The following GFOD1 variants were observed in gnomAD, a reference collection of about 807,000 sequenced individuals.
GFOD1 encodes the protein Gfo/Idh/MocA-like oxidoreductase domain containing 1, also known as glucose-fructose oxidoreductase domain-containing protein 1.
A neutral mutation model predicts 25.4 loss-of-function variants in GFOD1; 9 were observed. The ratio of observed to expected loss-of-function variants is 0.35; its 90% CI spans 0.21 to 0.62. The LOEUF (loss-of-function observed/expected upper bound fraction) is 0.62, where lower values mean the gene tolerates loss of function less well. Ranked by LOEUF, GFOD1 falls within the 20% of genes least tolerant of loss-of-function variation. The pLI is 0.72. For missense variants in GFOD1, 403 were observed against 556.9 expected, an observed-to-expected ratio of 0.72 and a Z score of 2.78; for synonymous variants, 253 against 245.6, an observed-to-expected ratio of 1.03 and a Z score of -0.28.
At chr6:13,412,958 T>G (rs1786104389) in intron 1 of GFOD1, among the ~76,000 whole-genome samples, 1 of 152,206 alleles carries the variant, frequency 6.6e-6, no homozygotes, top group Non-Finnish European at 1.5e-5. Flanking sequence ...CCCAGCATCT[T>G]CAGTCTTTCA....
chr6:13,390,807 GGAA>G (rs1785586193), intron 1 of GFOD1, among the ~76,000 whole-genome samples: 1 of 151,128 alleles, frequency 6.6e-6, no homozygotes, highest in African/African-American at 2.4e-5. Context: ...AAGGAAGGAA[GGAA>G]GGAAGGAAGG....
chr6:13,408,210 G>C, intron 1 of GFOD1: 5 of 444,746 alleles, frequency 1.1e-5, no homozygotes, highest in Non-Finnish European at 1.5e-5. Context: ...CCTTGGGCCA[G>C]ACTATGGCAG....
At chr6:13,437,339 C>G (rs957086853) in intron 1 of GFOD1, among the ~76,000 whole-genome samples, 17 of 152,166 alleles carry the variant, frequency 1.1e-4, no homozygotes, top group African/African-American at 3.9e-4. Flanking sequence ...TGAGTAGGAC[C>G]CTCTTAACTC....
intron 1 of GFOD1, among the ~76,000 whole-genome samples, chr6:13,400,642 A>T (rs1785823543): frequency 1.3e-5 from 2 of 152,276 alleles, no homozygotes; most frequent in South Asian, 4.1e-4. Context: ...ATGGAAAAAT[A>T]CATAAAAGTG....
chr6:13,460,791 A>G (rs1758277424), intron 1 of GFOD1, among the ~76,000 whole-genome samples: 1 of 152,236 alleles, frequency 6.6e-6, no homozygotes, highest in Non-Finnish European at 1.5e-5. Context: ...ACATTCACCT[A>G]TGTAACAAAT....
rs370172658 is a variant in GFOD1, at chr6:13,365,599, G to A, written c.317C>T (p.Ser106Leu). Residue 106 changes from serine to leucine, a missense_variant, in exon 2 of 2, where the codon TCG becomes TTG. Ser to Leu is a moderately radical substitution (Grantham distance 145). Coordinates refer to ENST00000379287, the MANE Select transcript of GFOD1 (RefSeq NM_018988.4). The surrounding 1 kb of genome is among the most constrained non-coding windows in gnomAD (Gnocchi z 9.2). ...GAGCTTGGGGTAGTAGTGGGCGGCC[G>A]AGGTCATGCGGAAAGCGTCCAGCGG... ...ATPLDAFRMT[S>L]AAHYYPKLMS... 7.3e-5 allele frequency: 117 copies of A among 1,605,558 alleles called. No homozygotes were observed. Among genetic ancestry groups the A allele is most frequent in the Non-Finnish European group, 8.5e-5 (100 of 1,179,840 alleles).
chr6:13,477,706 G>T (rs1212048319), intron 1 of GFOD1, among the ~76,000 whole-genome samples: 1 of 152,010 alleles, frequency 6.6e-6, no homozygotes. Context: ...TTCTTTCACT[G>T]TTTTGCTATG....
At chr6:13,443,439 A>C (rs952484725) in intron 1 of GFOD1, among the ~76,000 whole-genome samples, 7 of 152,106 alleles carry the variant, frequency 4.6e-5, no homozygotes, top group African/African-American at 1.4e-4. Flanking sequence ...AAATGCTATC[A>C]AACAGTATCA....
chr6:13,401,806 T>G (rs1487590447), intron 1 of GFOD1, among the ~76,000 whole-genome samples: 1 of 152,214 alleles, frequency 6.6e-6, no homozygotes. Flanking sequence ...GCTTTCTATG[T>G]AGAAATTCAC....
rs747626620 is a variant in GFOD1 at position 13,364,772 on chromosome 6, G to C, written c.1144C>G (p.Arg382Gly). ...SPAYLISEAMRRSRMSLYC is the reference protein window; with the variant it reads ...SPAYLISEAMGRSRMSLYC Reference sequence around the variant, plus strand: ...CAGTAGAGGGACATCCTGCTGCGGCGCATGGCCTCGCTGATCAGGTAGGCG... The same window carrying C: ...CAGTAGAGGGACATCCTGCTGCGGCCCATGGCCTCGCTGATCAGGTAGGCG... The change falls in exon 2 of 2, where the codon CGC becomes GGC. Residue 382 changes from arginine (R) to glycine (G), a missense_variant. Physicochemically the swap from Arg to Gly is moderately radical, Grantham distance 125 (BLOSUM62 -2). Coordinates refer to ENST00000379287, the MANE Select transcript of GFOD1 (RefSeq NM_018988.4). The surrounding 1 kb of genome is among the most constrained non-coding windows in gnomAD (Gnocchi z 4.1). 4.3e-6 allele frequency: 7 copies of C among 1,613,230 alleles called. No individual in the cohort carries two copies. The highest frequency in any genetic ancestry group is 5.1e-6 in the Non-Finnish European group (6 of 1,179,814).
intron 1 of GFOD1, among the ~76,000 whole-genome samples, chr6:13,482,144 T>G (rs1287096681): frequency 6.7e-6 from 1 of 148,830 alleles, no homozygotes; most frequent in South Asian, 2.1e-4. Context: ...TGTATATCTA[T>G]AAATATGTTA....
chr6:13,463,834 C>T lies in GFOD1; in HGVS notation c.253+22804G>A, dbSNP rs893404752. On this transcript the variant is annotated intron_variant, in intron 1 of 1. Transcript: ENST00000379287. ...TATATACACTAATTATGATCCAGTACATAAATACAAAGATAAATATATATC... is the reference window on the plus strand; with the variant it reads ...TATATACACTAATTATGATCCAGTATATAAATACAAAGATAAATATATATC... Among the ~76,000 whole-genome samples, 3 of 152,200 alleles carry T rather than the reference C, an allele frequency of 2.0e-5. No individual in the cohort carries two copies. In the South Asian group the frequency reaches 6.2e-4, roughly 32 times the overall value.
intron 1 of GFOD1, among the ~76,000 whole-genome samples, chr6:13,397,592 C>T (rs918988770): frequency 6.6e-5 from 10 of 152,184 alleles, no homozygotes; most frequent in Non-Finnish European, 1.2e-4. Context: ...ACTGATACCA[C>T]CTGGGAGGGC....
At chr6:13,379,938 A>C (rs1429149438) in intron 1 of GFOD1, among the ~76,000 whole-genome samples, 1 of 152,246 alleles carries the variant, frequency 6.6e-6, no homozygotes, top group African/African-American at 2.4e-5. Context: ...TGTGGCCCAA[A>C]GAAGCTTAGT....
At chr6:13,392,781 T>A (rs1785639751) in intron 1 of GFOD1, among the ~76,000 whole-genome samples, 1 of 151,882 alleles carries the variant, frequency 6.6e-6, no homozygotes, top group Non-Finnish European at 1.5e-5. Context: ...AAGGGCTAGG[T>A]GCAATGACTC....
intron 1 of GFOD1, among the ~76,000 whole-genome samples, chr6:13,472,623 G>A (rs1758534298): frequency 6.6e-6 from 1 of 152,150 alleles, no homozygotes; most frequent in African/African-American, 2.4e-5. Flanking sequence ...CCCGGGCAGT[G>A]CCCACACACC....
chr6:13,363,581 T>TA lies in GFOD1; in HGVS notation c.*1161_*1162insT, dbSNP rs1784982138. On this transcript the variant is annotated 3_prime_UTR_variant, in exon 2 of 2. Coordinates refer to ENST00000379287, the MANE Select transcript of GFOD1 (RefSeq NM_018988.4). ...TTTTTTTTTTTTTTTTTTTTTTTTT[T>TA]TTTGTAAGGAAAGAGGATTCTGATT... 1 of 142,920 alleles carries TA rather than the reference T, an allele frequency of 7.0e-6. No individual in the cohort carries two copies. Among genetic ancestry groups the TA allele is most frequent in the African/African-American group, 2.6e-5 (1 of 37,736 alleles). 8.9% of individuals were successfully genotyped at this position (142,920 alleles called of 1,614,324 possible).
In GFOD1 at chr6:13,484,110, G is replaced by A. The variant is rs570193882; in HGVS notation, c.253+2528C>T. ...AGGATGTGTGTGATTCAATTGATCT[G>A]AAGTTTCATTTCACTGTGGTCCCTA... is the stretch of plus-strand genomic sequence containing the variant. On this transcript the variant is annotated intron_variant, in intron 1 of 1. Transcript: ENST00000379287. Among the ~76,000 whole-genome samples the A allele has an allele frequency of 5.3e-4, 81 of 152,268 alleles. 1 individual carries two copies. Among genetic ancestry groups the A allele is most frequent in the Non-Finnish European group, 1.1e-3 (72 of 68,010 alleles).
chr6:13,384,057 T>C (rs1310085225), intron 1 of GFOD1, among the ~76,000 whole-genome samples: 1 of 152,110 alleles, frequency 6.6e-6, no homozygotes, highest in Non-Finnish European at 1.5e-5. Context: ...CAAAACTCCG[T>C]CTCTACTAAA....
Sources: gnomAD v4.1 joint callset for allele counts (sites outside exome capture counted in the v4.1 genomes callset) on GRCh38, gnomAD v4.1.1 for gene constraint, Gnocchi (gnomAD v3.1) non-coding constraint, MANE v1.5 for transcripts, NCBI Gene and HGNC (gene_info 2026-07-23, HGNC 2026-07-21) for gene names.